ANO10: variants seen among roughly 807,000 people sequenced by gnomAD.
ANO10 encodes the protein anoctamin 10, also known as anoctamin-10.
A neutral mutation model predicts 74.7 loss-of-function variants in ANO10; 77 were observed. That is an observed-to-expected ratio of 1.03 (90% confidence interval 0.86 to 1.25). The LOEUF is 1.25. Ranked by LOEUF, ANO10 falls within the 50% of genes most tolerant of loss-of-function variation. The probability of loss-of-function intolerance (pLI) is 0.00; values close to 1 mark genes in which losing one functional copy is unlikely to be tolerated. For synonymous variants in ANO10, 279 were observed against 284.9 expected, an observed-to-expected ratio of 0.98 and a Z score of 0.21; for missense variants, 721 against 778.1, an observed-to-expected ratio of 0.93 and a Z score of 0.87.
chr3:43,602,383 G>T (rs2082373973), intron 2 of ANO10, among the ~76,000 whole-genome samples: 1 of 152,044 alleles, frequency 6.6e-6, no homozygotes, highest in Non-Finnish European at 1.5e-5. Flanking sequence ...TGTCGCCCAG[G>T]CTAGAGTGCA....
At chr3:43,595,365 C>A (rs895164101) in intron 4 of ANO10, among the ~76,000 whole-genome samples, 1 of 152,110 alleles carries the variant, frequency 6.6e-6, no homozygotes, top group African/African-American at 2.4e-5. Flanking sequence ...AAATCCTCAA[C>A]AAAATAATGG....
chr3:43,665,547 G>T (rs1166703036), intron 1 of ANO10, among the ~76,000 whole-genome samples: 1 of 151,880 alleles, frequency 6.6e-6, no homozygotes. Flanking sequence ...GAAAAATCTT[G>T]GTCATCTAGC....
chr3:43,654,010 A>G (rs2083818593), intron 1 of ANO10, among the ~76,000 whole-genome samples: 1 of 150,832 alleles, frequency 6.6e-6, no homozygotes, highest in Non-Finnish European at 1.5e-5. Flanking sequence ...CTAGACTTGC[A>G]TCTCCAATGT....
At chr3:43,468,789 C>T (rs1383937085) in intron 11 of ANO10, among the ~76,000 whole-genome samples, 3 of 151,358 alleles carry the variant, frequency 2.0e-5, no homozygotes, top group African/African-American at 7.3e-5. Flanking sequence ...CGGCTCACTG[C>T]AACCTCCGCC....
intron 1 of ANO10, among the ~76,000 whole-genome samples, chr3:43,630,161 C>A (rs1419006009): frequency 6.6e-6 from 1 of 152,084 alleles, no homozygotes; most frequent in Non-Finnish European, 1.5e-5. Flanking sequence ...GATGCTAGAT[C>A]AAGTAAGATA....
chr3:43,566,528 C>T (rs1222047085), intron 7 of ANO10, among the ~76,000 whole-genome samples: 1 of 152,298 alleles, frequency 6.6e-6, no homozygotes, highest in African/African-American at 2.4e-5. Flanking sequence ...GTCCCTGACC[C>T]CTGACCCCCG....
chr3:43,552,059 G>C (rs1012570605), intron 10 of ANO10, among the ~76,000 whole-genome samples: 1 of 152,014 alleles, frequency 6.6e-6, no homozygotes, highest in African/African-American at 2.4e-5. Flanking sequence ...TTCCATTTTG[G>C]TTTATCTATA....
intron 1 of ANO10, among the ~76,000 whole-genome samples, chr3:43,683,168 A>T (rs1486839656): frequency 3.3e-5 from 5 of 152,222 alleles, no homozygotes; most frequent in Non-Finnish European, 7.3e-5. Context: ...ACATGATTGT[A>T]TATCTAGAAA....
chr3:43,470,640 ATTTT>A (rs1158916294), intron 11 of ANO10, among the ~76,000 whole-genome samples: 3 of 148,926 alleles, frequency 2.0e-5, no homozygotes, highest in Non-Finnish European at 3.0e-5. Context: ...GTATTTATTT[ATTTT>A]GAGGCAGAGT....
At chr3:43,638,198 A>T (rs1221215684) in intron 1 of ANO10, among the ~76,000 whole-genome samples, 1 of 152,248 alleles carries the variant, frequency 6.6e-6, no homozygotes, top group Non-Finnish European at 1.5e-5. Context: ...ATTTGTAAGG[A>T]TAACCTTCGA....
At chr3:43,678,254 T>C (rs1358312421) in intron 1 of ANO10, among the ~76,000 whole-genome samples, 3 of 152,206 alleles carry the variant, frequency 2.0e-5, no homozygotes, top group East Asian at 1.9e-4. Context: ...AGAATGGCTG[T>C]ATGGGCATTC....
chr3:43,684,834 A>C (rs1405925416), intron 1 of ANO10, among the ~76,000 whole-genome samples: 4 of 152,184 alleles, frequency 2.6e-5, no homozygotes, highest in Non-Finnish European at 5.9e-5. Flanking sequence ...TGCAAGGACA[A>C]AAAACCAAAC....
At chr3:43,569,037 A>G (rs1346213257) in intron 7 of ANO10, among the ~76,000 whole-genome samples, 3 of 135,694 alleles carry the variant, frequency 2.2e-5, no homozygotes, top group Non-Finnish European at 1.6e-5. Flanking sequence ...ACAAACTACC[A>G]TCAGAGAATA....
chr3:43,382,216 A>G (rs1386683610), intron 12 of ANO10, among the ~76,000 whole-genome samples: 1 of 152,170 alleles, frequency 6.6e-6, no homozygotes, highest in Non-Finnish European at 1.5e-5. Flanking sequence ...ACCCAACAGA[A>G]GAAAAGAAAT....
intron 7 of ANO10, among the ~76,000 whole-genome samples, chr3:43,566,665 C>T (rs1334500973): frequency 2.6e-5 from 4 of 152,232 alleles, no homozygotes; most frequent in Admixed American, 1.3e-4. Flanking sequence ...GAAAGGACAT[C>T]CACACCAAAA....
At chr3:43,643,256 C>T (rs796867005) in intron 1 of ANO10, among the ~76,000 whole-genome samples, 4 of 151,882 alleles carry the variant, frequency 2.6e-5, no homozygotes, top group African/African-American at 7.3e-5. Context: ...TGGTCTCGAT[C>T]TCCTGACGTC....
chr3:43,607,865 A>C (rs1292505660), intron 1 of ANO10, among the ~76,000 whole-genome samples: 1 of 152,178 alleles, frequency 6.6e-6, no homozygotes, highest in Non-Finnish European at 1.5e-5. Flanking sequence ...TTAAGAACCC[A>C]AGGAAGGCTT....
chr3:43,428,468 A>T (rs756790286), intron 12 of ANO10, among the ~76,000 whole-genome samples: 81 of 152,240 alleles, frequency 5.3e-4, no homozygotes, highest in Non-Finnish European at 1.1e-3. Context: ...AACACTCATC[A>T]TTGCTGTCTG....
rs34487959 is a variant in ANO10 at position 43,438,747 on chromosome 3, T to TA, written c.1798-6021dup. The stretch of plus-strand genomic sequence containing the variant: ...GGGCAACAAGAGTGAAACTCTGTCT[T>TA]AAAAAAAAAAAAAATTCACTAATGA... On this transcript the variant is annotated intron_variant, in intron 11 of 12. Coordinates refer to ENST00000292246, the MANE Select transcript of ANO10 (RefSeq NM_018075.5). Among the ~76,000 whole-genome samples, 399 of 143,366 alleles carry TA rather than the reference T, an allele frequency of 2.8e-3. 1 individual carries two copies. The highest frequency in any genetic ancestry group is 6.5e-3 in the African/African-American group (251 of 38,600). The allele number at this position is 143,366 out of a possible 152,430, so 94.1% of individuals were successfully genotyped here.
Sources: gnomAD v4.1 joint callset for allele counts (sites outside exome capture counted in the v4.1 genomes callset) on GRCh38, gnomAD v4.1.1 for gene constraint, MANE v1.5 for transcripts, NCBI Gene and HGNC (gene_info 2026-07-23, HGNC 2026-07-21) for gene names.